CSMD1: variants seen among roughly 807,000 people sequenced by gnomAD.
The protein encoded by CSMD1 is CUB and sushi domain-containing protein 1.
In CSMD1, 213 loss-of-function variants were observed where a neutral mutation model predicts 417.5. The observed-to-expected ratio is 0.51, with a 90% CI of 0.46 to 0.57. The LOEUF is 0.57. Ranked by LOEUF, CSMD1 falls within the 20% of genes least tolerant of loss-of-function variation. CSMD1 has a pLI of 0.00. For synonymous variants in CSMD1, 2,862 were observed against 1,736.8 expected (o/e 1.65, Z -16.11); for missense variants, 6,923 against 4,529.7 (o/e 1.53, Z -15.17).
intron 5 of CSMD1, among the ~76,000 whole-genome samples, chr8:3,802,159 A>G (rs1199759180): frequency 6.6e-6 from 1 of 152,180 alleles, no homozygotes; most frequent in Non-Finnish European, 1.5e-5. Context: ...CATTCAAAAA[A>G]TAATTACTAT....
intron 1 of CSMD1, among the ~76,000 whole-genome samples, chr8:4,885,688 T>A (rs1469403471): frequency 6.6e-6 from 1 of 151,488 alleles, no homozygotes; most frequent in East Asian, 1.9e-4. Context: ...AAACTATTTT[T>A]AATATTAGAG....
rs373200729 is a variant in CSMD1, at chr8:3,681,248, C to A, written c.1009+27166G>T. Among the ~76,000 whole-genome samples, 11 of 152,196 alleles carry A rather than the reference C, an allele frequency of 7.2e-5. 2 individuals are homozygous for A. Among genetic ancestry groups the A allele is most frequent in the African/African-American group, 9.6e-5 (4 of 41,536 alleles). On this transcript the variant is annotated intron_variant, in intron 7 of 69. Transcript: ENST00000635120. Reference sequence around the variant, plus strand: ...CAATTAGGAAAAGAGGAAGTCAAATCGTCCCTCTTTGCAGATGACATGATT... The same window carrying A: ...CAATTAGGAAAAGAGGAAGTCAAATAGTCCCTCTTTGCAGATGACATGATT...
At chr8:3,783,386 T>C (rs568067266) in intron 5 of CSMD1, among the ~76,000 whole-genome samples, 1 of 152,332 alleles carries the variant, frequency 6.6e-6, no homozygotes, top group Admixed American at 6.5e-5. Flanking sequence ...CACATGCCCC[T>C]GGGGTGACCC....
intron 23 of CSMD1, among the ~76,000 whole-genome samples, chr8:3,331,729 G>T (rs1441370251): frequency 2.0e-5 from 3 of 152,152 alleles, no homozygotes; most frequent in Non-Finnish European, 1.5e-5. Context: ...TATGTACCTG[G>T]AATGAACTTG....
At chr8:3,382,443 TATA>T (rs1330292467) in intron 18 of CSMD1, among the ~76,000 whole-genome samples, 4 of 143,090 alleles carry the variant, frequency 2.8e-5, no homozygotes, top group South Asian at 2.1e-4. Context: ...TAATAACATA[TATA>T]ATATAATATA....
At chr8:4,209,501 A>G (rs1800179303) in intron 3 of CSMD1, among the ~76,000 whole-genome samples, 1 of 152,046 alleles carries the variant, frequency 6.6e-6, no homozygotes, top group African/African-American at 2.4e-5. Context: ...CCTCACTCCC[A>G]TGGCCCCTCC....
chr8:3,073,677 C>G (rs76775729), intron 49 of CSMD1, among the ~76,000 whole-genome samples: 2,446 of 152,030 alleles, frequency 0.016, 68 homozygotes, highest in African/African-American at 0.056. Flanking sequence ...ATACATATGA[C>G]TGACAAGTGG....
In CSMD1 at chr8:3,308,348, T is replaced by G. The variant is rs1262623111; in HGVS notation, c.3787A>C (p.Arg1263=). 6.2e-7 allele frequency: 1 copy of G among 1,613,400 alleles called. No homozygotes were observed. The highest frequency in any genetic ancestry group is 1.7e-5 in the Admixed American group (1 of 60,016). ...SNTLTCLSGD[R]RVWDKPLPSC... is the part of the protein sequence containing the mutation. ...GGTAGTGGTTTGTCCCACACTCTCC[T>G]GTCTCCACTCAAACAGGTCAGGGTG... Residue 1263 remains arginine, a synonymous_variant, in exon 24 of 70, where the codon AGG becomes CGG. Transcript: ENST00000635120.
intron 5 of CSMD1, among the ~76,000 whole-genome samples, chr8:3,960,426 C>T (rs745337578): frequency 2.8e-4 from 43 of 152,246 alleles, no homozygotes; most frequent in Non-Finnish European, 5.1e-4. Flanking sequence ...GATAGTCCCT[C>T]AATGCTAGTG....
At position 3,205,600 on chromosome 8, in the gene CSMD1, T is replaced by C. The variant is rs757457223; in HGVS notation, c.4888A>G (p.Thr1630Ala). The C allele has an allele frequency of 3.8e-6, 6 of 1,573,840 alleles. No individual in the cohort carries two copies. In the South Asian group the frequency reaches 4.6e-5, roughly 12 times the overall value. Residue 1630 changes from threonine (T) to alanine (A), a missense_variant, in exon 31 of 70, where the codon ACG (threonine) becomes GCG (alanine). Coordinates refer to ENST00000635120, the MANE Select transcript of CSMD1 (RefSeq NM_033225.6). ...GATAAAACTACCCCTTCTGATCCCGTGTACTGGCCTCCACAGGGAGCTGAA... is the reference window on the plus strand; with the variant it reads ...GATAAAACTACCCCTTCTGATCCCGCGTACTGGCCTCCACAGGGAGCTGAA... ...SCNAPCGGQY[T>A]GSEGVVLSPN...
At chr8:4,878,551 C>G (rs958836197) in intron 1 of CSMD1, among the ~76,000 whole-genome samples, 1 of 151,650 alleles carries the variant, frequency 6.6e-6, no homozygotes, top group African/African-American at 2.4e-5. Flanking sequence ...GTACAACCCC[C>G]AAAAGTCAAT....
chr8:4,768,623 C>T (rs12550274), intron 1 of CSMD1, among the ~76,000 whole-genome samples: 65,756 of 151,852 alleles, frequency 0.43, 14,594 homozygotes, highest in Admixed American at 0.59. Flanking sequence ...GTCTTCTCTG[C>T]GTGGAAGGGG....
chr8:4,225,031 G>C (rs1355647542), intron 3 of CSMD1, among the ~76,000 whole-genome samples: 3 of 152,168 alleles, frequency 2.0e-5, no homozygotes, highest in African/African-American at 7.2e-5. Context: ...ACAATCGCTT[G>C]AACCCTAGAG....
chr8:3,018,914 A>C (rs886706396), intron 51 of CSMD1, among the ~76,000 whole-genome samples: 1 of 151,976 alleles, frequency 6.6e-6, no homozygotes, highest in Non-Finnish European at 1.5e-5. Context: ...CCAATTACCC[A>C]TTAACTTTTG....
intron 3 of CSMD1, among the ~76,000 whole-genome samples, chr8:4,343,173 C>A (rs1200400036): frequency 6.6e-6 from 1 of 152,004 alleles, no homozygotes; most frequent in Admixed American, 6.6e-5. Flanking sequence ...TGGTAAAATA[C>A]AAGGAGTGCT....
At chr8:4,486,118 CATACATATATATATAT>C (rs1563223436) in intron 2 of CSMD1, among the ~76,000 whole-genome samples, 10 of 68,670 alleles carry the variant, frequency 1.5e-4, no homozygotes, top group Non-Finnish European at 2.1e-4. Flanking sequence ...TGTATATATA[CATACATATATATATAT>C]ATACATACAT....
chr8:4,056,804 T>C (rs889790448), intron 3 of CSMD1, among the ~76,000 whole-genome samples: 4 of 152,074 alleles, frequency 2.6e-5, no homozygotes, highest in Non-Finnish European at 4.4e-5. Context: ...TTTGTCCTTG[T>C]GATAGTTTAC....
chr8:4,186,365 G>A (rs753651725), intron 3 of CSMD1, among the ~76,000 whole-genome samples: 64 of 152,114 alleles, frequency 4.2e-4, no homozygotes, highest in Non-Finnish European at 6.8e-4. Flanking sequence ...TCCTATCTTC[G>A]TGTTGAATGC....
At chr8:4,570,935 T>A (rs780825063) in intron 2 of CSMD1, among the ~76,000 whole-genome samples, 47 of 152,170 alleles carry the variant, frequency 3.1e-4, no homozygotes, top group Non-Finnish European at 5.1e-4. Context: ...TGTATAGAGG[T>A]ATTTATAGTA....
Sources: allele counts gnomAD v4.1 joint callset (sites outside exome capture counted in the v4.1 genomes callset), GRCh38; gene constraint gnomAD v4.1.1; transcripts MANE v1.5; gene names NCBI Gene and HGNC (gene_info 2026-07-23, HGNC 2026-07-21).